Variants in ANKRD18A observed in about 807,000 individuals in gnomAD.
ANKRD18A encodes ankyrin repeat domain 18A.
ANKRD18A carries 72 observed loss-of-function variants against 110.6 expected under a neutral mutation model. That is an observed-to-expected ratio of 0.65 (90% CI 0.54 to 0.79). ANKRD18A has a LOEUF of 0.79. ANKRD18A is among the 30% of genes least tolerant of loss of function. The pLI, the probability that ANKRD18A is intolerant of heterozygous loss-of-function variation, is 0.00. For synonymous variants in ANKRD18A, 305 were observed against 410.3 expected (o/e 0.74, Z 3.10); for missense variants, 934 against 1,163.3 (o/e 0.80, Z 2.87).
intron 5 of ANKRD18A, 128 bp downstream of exon 5, chr9:38,610,145 C>T: frequency 1.6e-6 from 2 of 1,275,854 alleles, no homozygotes; most frequent in Non-Finnish European, 2.1e-6. Flanking sequence ...AAAAAGTGGA[C>T]TAACTTGTTG....
intron 8 of ANKRD18A, 33 bp downstream of exon 8, chr9:38,601,098 A>T (rs1220250381): frequency 6.5e-7 from 1 of 1,529,776 alleles, no homozygotes; most frequent in South Asian, 1.2e-5. Flanking sequence ...CAAACAAACC[A>T]GTATTAAACC....
chr9:38,571,120 A>G, downstream of ANKRD18A: 1 of 1,529,832 alleles, frequency 6.5e-7, no homozygotes, highest in Non-Finnish European at 8.7e-7. Context: ...GTTTCTTGGT[A>G]CCTCAGTGGA....
At chr9:38,574,847 G>A (rs1215224170) in intron 15 of ANKRD18A, among the ~76,000 whole-genome samples, 1 of 152,108 alleles carries the variant, frequency 6.6e-6, no homozygotes, top group Non-Finnish European at 1.5e-5. Flanking sequence ...TGTAATCCCA[G>A]CACTTTGGGA....
In ANKRD18A at chr9:38,577,040, T is replaced by C. The variant is rs1353315127; in HGVS notation, c.2741+13A>G. ...GCTGAATTCATTTTCTATGAGTGTATGTTTTGACTTACTTCATTAATTTTT... is the reference window on the plus strand; with the variant it reads ...GCTGAATTCATTTTCTATGAGTGTACGTTTTGACTTACTTCATTAATTTTT... On this transcript the variant is annotated intron_variant, in intron 14 of 15. Transcript: ENST00000399703. The C allele has an allele frequency of 3.2e-6, 5 of 1,541,758 alleles. No individual in the cohort carries two copies. The highest frequency in any genetic ancestry group is 3.5e-6 in the Non-Finnish European group (4 of 1,143,892).
intron 15 of ANKRD18A, chr9:38,573,161 T>A: frequency 9.2e-7 from 1 of 1,092,324 alleles, no homozygotes; most frequent in Non-Finnish European, 1.2e-6. Context: ...AATAATAATG[T>A]TTAAGTTAAA....
chr9:38,580,847 T>C (rs1824130450), intron 12 of ANKRD18A, among the ~76,000 whole-genome samples: 1 of 151,136 alleles, frequency 6.6e-6, no homozygotes, highest in African/African-American at 2.4e-5. Flanking sequence ...AGCTTCCCTA[T>C]CTCAGACTGC....
intron 3 of ANKRD18A, among the ~76,000 whole-genome samples, chr9:38,612,315 G>A (rs1298222370): frequency 6.6e-6 from 1 of 151,890 alleles, no homozygotes; most frequent in African/African-American, 2.4e-5. Context: ...TGATAATCCT[G>A]GGACGTTAAT....
chr9:38,587,161 G>GA (rs1480197318), intron 11 of ANKRD18A, among the ~76,000 whole-genome samples: 1 of 152,124 alleles, frequency 6.6e-6, no homozygotes, highest in Non-Finnish European at 1.5e-5. Context: ...GGCAGTTTTA[G>GA]AAAAAAGGAA....
At position 38,592,262 on chromosome 9, in the gene ANKRD18A, T is replaced by C. The variant is rs559889090; in HGVS notation, c.2004+1498A>G. Among the ~76,000 whole-genome samples the C allele has an allele frequency of 5.9e-5, 9 of 152,378 alleles. No homozygotes were observed. In the East Asian group the frequency reaches 1.5e-3, roughly 26 times the overall value. ...TATGCTGAAAGCTGCCAAGCTAAAC[T>C]ATTTTCAATTTATAGAAGGATAGGC... On this transcript the variant is annotated intron_variant, in intron 10 of 15. Transcript: ENST00000399703.
At chr9:38,603,267 C>T (rs1825209764) in intron 6 of ANKRD18A, 55 bp from the exon 7 acceptor site, 2 of 1,547,824 alleles carry the variant, frequency 1.3e-6, no homozygotes, top group Admixed American at 2.0e-5. Flanking sequence ...CATCCCTCTG[C>T]CTCCTTACCT....
chr9:38,591,064 G>A (rs1824626263), intron 10 of ANKRD18A, among the ~76,000 whole-genome samples: 1 of 151,762 alleles, frequency 6.6e-6, no homozygotes. Flanking sequence ...GAGCTCAAGC[G>A]ACCCTCCTAC....
intron 10 of ANKRD18A, among the ~76,000 whole-genome samples, chr9:38,592,717 G>A (rs984050320): frequency 1.7e-4 from 26 of 152,168 alleles, no homozygotes; most frequent in African/African-American, 4.3e-4. Context: ...GAAAACTGGT[G>A]TAGCCATGAA....
At chr9:38,574,424 A>G (rs1377694391) in intron 15 of ANKRD18A, among the ~76,000 whole-genome samples, 1 of 152,154 alleles carries the variant, frequency 6.6e-6, no homozygotes, top group Non-Finnish European at 1.5e-5. Context: ...GTATAACCCT[A>G]GTATAGTAAT....
At chr9:38,607,315 C>T in intron 6 of ANKRD18A, 111 bp downstream of exon 6, 1 of 864,190 alleles carries the variant, frequency 1.2e-6, no homozygotes, top group African/African-American at 1.8e-5. Flanking sequence ...CCTCGGCCTC[C>T]CAAAGTGCTG....
chr9:38,609,211 G>A (rs1825489745), intron 5 of ANKRD18A, among the ~76,000 whole-genome samples: 1 of 152,078 alleles, frequency 6.6e-6, no homozygotes, highest in Non-Finnish European at 1.5e-5. Context: ...CGGGCGCGGT[G>A]GCTCACGCCT....
In ANKRD18A at chr9:38,596,158, C is replaced by G. The variant is rs775221307; in HGVS notation, c.1182G>C (p.Leu394=). 48 of 1,549,040 alleles carry G rather than the reference C, an allele frequency of 3.1e-5. No individual in the cohort carries two copies. Among genetic ancestry groups the G allele is most frequent in the Non-Finnish European group, 3.9e-5 (45 of 1,146,236 alleles). Residue 394 remains leucine (L), a synonymous_variant, in exon 9 of 16, where the codon CTG becomes CTC. Coordinates refer to ENST00000399703, the MANE Select transcript of ANKRD18A (RefSeq NM_147195.4). ...AATTCAGCCTTGCATTCTCAGCTTTCAGATCATTAAGCTGTTGCGAATACC... is the reference window on the plus strand; with the variant it reads ...AATTCAGCCTTGCATTCTCAGCTTTGAGATCATTAAGCTGTTGCGAATACC... The part of the protein sequence containing the change: ...VARYSQQLND[L]KAENARLNSE...
rs926894278 is a variant in ANKRD18A, at chr9:38,577,748, G to A, written c.2529+119C>T. On this transcript the variant is annotated intron_variant, in intron 13 of 15. Coordinates refer to ENST00000399703, the MANE Select transcript of ANKRD18A (RefSeq NM_147195.4). ...AGTCACTTTTTTTCTAGAACTCTAC[G>A]AAGGAAATTGCTGTAAGAGAGGCAG... 1.3e-4 allele frequency: 147 copies of A among 1,165,910 alleles called. 1 individual carries two copies. The highest frequency in any genetic ancestry group is 1.2e-3 in the Middle Eastern group (4 of 3,312). The allele number at this position is 1,165,910 out of a possible 1,614,324, so 72.2% of individuals were successfully genotyped here.
chr9:38,570,427 G>A (rs1045493191), downstream of ANKRD18A, among the ~76,000 whole-genome samples: 7 of 151,680 alleles, frequency 4.6e-5, no homozygotes, highest in East Asian at 1.9e-4. Flanking sequence ...ACACCCCACC[G>A]ACCAGTTTTT....
chr9:38,579,969 A>T (rs1451126495), intron 12 of ANKRD18A, among the ~76,000 whole-genome samples: 1 of 152,254 alleles, frequency 6.6e-6, no homozygotes, highest in African/African-American at 2.4e-5. Flanking sequence ...ATTGTGGTAC[A>T]CATAAACAAT....
Sources: gnomAD v4.1 joint callset for allele counts (sites outside exome capture counted in the v4.1 genomes callset) on GRCh38, gnomAD v4.1.1 for gene constraint, MANE v1.5 for transcripts, NCBI Gene and HGNC (gene_info 2026-07-23, HGNC 2026-07-21) for gene names.